The following IQGAP1 variants were observed in gnomAD, a reference collection of about 807,000 sequenced individuals.
The protein encoded by IQGAP1 is ras GTPase-activating-like protein IQGAP1.
IQGAP1 carries 66 observed loss-of-function variants against 215.6 expected under a neutral mutation model. The observed-to-expected ratio is 0.31, with a 90% CI of 0.25 to 0.38. The LOEUF (loss-of-function observed/expected upper bound fraction) is 0.38. Among genes scored for constraint, IQGAP1 ranks in the 10% least tolerant of loss-of-function variants. IQGAP1 has a pLI of 1.00. For synonymous variants in IQGAP1, 772 were observed against 728.7 expected, an observed-to-expected ratio of 1.06 and a Z score of -0.96; for missense variants, 1,712 against 1,997.1, an observed-to-expected ratio of 0.86 and a Z score of 2.72.
intron 33 of IQGAP1, among the ~76,000 whole-genome samples, chr15:90,490,262 A>G (rs8035914): frequency 8.5e-4 from 130 of 152,376 alleles, no homozygotes; most frequent in Middle Eastern, 6.8e-3. Context: ...ATGGTCACAG[A>G]TCACATAGAA....
chr15:90,477,819 A>C lies in IQGAP1; in HGVS notation c.3259A>C (p.Ile1087Leu). Residue 1087 changes from isoleucine to leucine, a missense_variant, in exon 26 of 38, where the codon ATC (isoleucine) becomes CTC (leucine). Coordinates refer to ENST00000268182, the MANE Select transcript of IQGAP1 (RefSeq NM_003870.4). ...AATTATGGATGACAAATCTCTCAAC[A>C]TCAAAACTGACCCTGTGGATATTTA... Reference protein sequence around the residue: ...KEIMDDKSLNIKTDPVDIYKS... With the variant: ...KEIMDDKSLNLKTDPVDIYKS... The C allele has an allele frequency of 6.2e-7, 1 of 1,614,084 alleles. No homozygotes were observed. Among genetic ancestry groups the C allele is most frequent in the East Asian group, 2.2e-5 (1 of 44,884 alleles).
chr15:90,492,207 G>T (rs2151039588), intron 34 of IQGAP1, among the ~76,000 whole-genome samples: 1 of 152,202 alleles, frequency 6.6e-6, no homozygotes, highest in South Asian at 2.1e-4. Context: ...CTCACATCTG[G>T]AATCTCAGCA....
chr15:90,425,414 T>G (rs1490241920), intron 2 of IQGAP1, among the ~76,000 whole-genome samples: 1 of 152,240 alleles, frequency 6.6e-6, no homozygotes, highest in Admixed American at 6.5e-5. Flanking sequence ...TTTCCTTTGT[T>G]TTATCTTAGG....
intron 34 of IQGAP1, 126 bp from the exon 35 acceptor site, chr15:90,492,419 T>TAAAAAAA (rs56724183): frequency 1.3e-5 from 5 of 371,096 alleles, no homozygotes; most frequent in Non-Finnish European, 2.2e-5. Context: ...ACAGAGTGTC[T>TAAAAAAA]AAAAAAAAAA....
chr15:90,399,643 A>T (rs560291134), intron 2 of IQGAP1, among the ~76,000 whole-genome samples: 1 of 152,300 alleles, frequency 6.6e-6, no homozygotes, highest in South Asian at 2.1e-4. Flanking sequence ...AACCTTGCCA[A>T]AATTTTCAGT....
At position 90,474,646 on chromosome 15, in the gene IQGAP1, A is replaced by G; in HGVS notation, c.2737A>G (p.Met913Val). 27 of 1,612,180 alleles carry G rather than the reference A, an allele frequency of 1.7e-5. No individual in the cohort carries two copies. The highest frequency in any genetic ancestry group is 2.3e-5 in the Non-Finnish European group (27 of 1,178,182). The change falls in exon 23 of 38, where the codon ATG becomes GTG. Residue 913 changes from methionine (M) to valine (V), a missense_variant. Transcript: ENST00000268182. ...GCAGCTGGAGAATGACCTCAATCTC[A>G]TGGATATCAAAATTGGACTGCTAGT... ...NQQLENDLNLMDIKIGLLVKN... is the reference protein window; with the variant it reads ...NQQLENDLNLVDIKIGLLVKN...
chr15:90,491,750 G>A lies in IQGAP1; in HGVS notation c.4461+205G>A. 3 of 554,616 alleles carry A rather than the reference G, an allele frequency of 5.4e-6. No homozygotes were observed. The South Asian group carries it at 6.9e-5, about 13-fold the overall frequency. The allele number at this position is 554,616 out of a possible 1,614,324, so 34.4% of individuals were successfully genotyped here. On this transcript the variant is annotated intron_variant, in intron 34 of 37. Coordinates refer to ENST00000268182, the MANE Select transcript of IQGAP1 (RefSeq NM_003870.4). ...CCATGGCCTAAATTACTAGGGAGAGGACCTTAACTGGAGCCTCCTATGACC... is the reference window on the plus strand; with the variant it reads ...CCATGGCCTAAATTACTAGGGAGAGAACCTTAACTGGAGCCTCCTATGACC...
At chr15:90,482,920 A>T (rs1966079617) in intron 28 of IQGAP1, among the ~76,000 whole-genome samples, 1 of 152,124 alleles carries the variant, frequency 6.6e-6, no homozygotes, top group African/African-American at 2.4e-5. Context: ...CTCTATGCTG[A>T]TTGGGTCATG....
intron 8 of IQGAP1, among the ~76,000 whole-genome samples, chr15:90,442,839 G>A (rs1291745487): frequency 1.3e-5 from 2 of 152,124 alleles, no homozygotes; most frequent in African/African-American, 4.8e-5. Context: ...GGGCATGATG[G>A]TGCACGCCTG....
At chr15:90,464,343 A>G (rs995427636) in intron 15 of IQGAP1, among the ~76,000 whole-genome samples, 11 of 151,932 alleles carry the variant, frequency 7.2e-5, no homozygotes, top group African/African-American at 2.7e-4. Flanking sequence ...TTAATAAAGA[A>G]CCCCCACTCT....
intron 8 of IQGAP1, among the ~76,000 whole-genome samples, 181 bp from the exon 9 acceptor site, chr15:90,443,213 G>T (rs561194709): frequency 8.0e-4 from 122 of 152,256 alleles, no homozygotes; most frequent in African/African-American, 2.8e-3. Context: ...TTCCCACCTT[G>T]GCCTTCCAAA....
At position 90,454,178 on chromosome 15, in the gene IQGAP1, T is replaced by C. The variant is rs547124150; in HGVS notation, c.1488-250T>C. Among the ~76,000 whole-genome samples, 13 of 152,352 alleles carry C rather than the reference T, an allele frequency of 8.5e-5. No individual in the cohort carries two copies. The South Asian group carries it at 2.7e-3, about 32-fold the overall frequency. On this transcript the variant is annotated intron_variant, in intron 13 of 37. Transcript: ENST00000268182. ...TCATGTGTAGCCTTTTTTTCTTGTCTATGGAGGAATTGCTTGAACTGCTGC... is the reference window on the plus strand; with the variant it reads ...TCATGTGTAGCCTTTTTTTCTTGTCCATGGAGGAATTGCTTGAACTGCTGC...
At chr15:90,471,355 T>TAGC (rs958343678) in intron 18 of IQGAP1, among the ~76,000 whole-genome samples, 6 of 151,958 alleles carry the variant, frequency 3.9e-5, no homozygotes, top group African/African-American at 1.5e-4. Flanking sequence ...ACCATCAAGT[T>TAGC]AGCAGTCCAA....
At chr15:90,466,730 A>G (rs562010431) in intron 17 of IQGAP1, among the ~76,000 whole-genome samples, 2 of 152,286 alleles carry the variant, frequency 1.3e-5, no homozygotes, top group East Asian at 3.9e-4. Context: ...TAGGCAATTA[A>G]AAGTAGTTTG....
intron 19 of IQGAP1, 98 bp downstream of exon 19, chr15:90,473,108 A>C (rs900953802): frequency 1.8e-6 from 2 of 1,093,092 alleles, no homozygotes; most frequent in Non-Finnish European, 1.3e-6. Context: ...GTGTTTTTTG[A>C]GTGCTGGACT....
Position 90,448,598 on chromosome 15 carries a change from C to A in IQGAP1, c.939C>A (p.Asp313Glu). Residue 313 changes from aspartate (D) to glutamate (E), a missense_variant, in exon 10 of 38, where the codon GAC (aspartate) becomes GAA (glutamate). This residue lies in a region of IQGAP1 where 1,021 missense variants were observed against 1,074.2 expected (regional missense o/e 0.95). Transcript: ENST00000268182. ...VNTFSALANI[D>E]LALEQGDALA... ...CATTTTCTGCATTAGCAAATATCGA[C>A]CTGGCTTTAGAACAAGGAGATGCAC... 1 of 1,595,044 alleles carries A rather than the reference C, an allele frequency of 6.3e-7. No individual in the cohort carries two copies. Among genetic ancestry groups the A allele is most frequent in the South Asian group, 1.1e-5 (1 of 87,926 alleles).
intron 3 of IQGAP1, among the ~76,000 whole-genome samples, chr15:90,428,339 A>T (rs1285760726): frequency 6.6e-6 from 1 of 152,082 alleles, no homozygotes; most frequent in African/African-American, 2.4e-5. Context: ...GGCCTCTCAA[A>T]GTGCCAGGAT....
At chr15:90,466,596 A>G (rs1965835024) in intron 17 of IQGAP1, among the ~76,000 whole-genome samples, 160 bp downstream of exon 17, 1 of 147,890 alleles carries the variant, frequency 6.8e-6, no homozygotes, top group East Asian at 2.0e-4. Flanking sequence ...ATTTTTGAAA[A>G]TATCCTTCCC....
In IQGAP1 at chr15:90,498,260, G is replaced by A. The variant is rs557788124; in HGVS notation, c.4860+920G>A. Among the ~76,000 whole-genome samples the A allele has an allele frequency of 1.9e-3, 294 of 151,474 alleles. 1 individual carries two copies. The highest frequency in any genetic ancestry group is 3.1e-3 in the Non-Finnish European group (208 of 67,934). Reference sequence around the variant, plus strand: ...CAGGTAGCATTTCTTAGTCATCTTCGTTTCCTTCTCAATGACCAGTAGACC... The same window carrying A: ...CAGGTAGCATTTCTTAGTCATCTTCATTTCCTTCTCAATGACCAGTAGACC... On this transcript the variant is annotated intron_variant, in intron 37 of 37. Transcript: ENST00000268182.
Sources: gnomAD v4.1 joint callset for allele counts (sites outside exome capture counted in the v4.1 genomes callset) on GRCh38, gnomAD v4.1.1 for gene constraint, gnomAD v4.1.1 regional missense constraint, MANE v1.5 for transcripts, NCBI Gene and HGNC (gene_info 2026-07-23, HGNC 2026-07-21) for gene names.